The following CCNDBP1 variants were observed in gnomAD, a reference collection of about 807,000 sequenced individuals.
CCNDBP1 encodes cyclin D1 binding protein 1.
Under a neutral mutation model 46.2 loss-of-function variants are expected in CCNDBP1, and 45 were observed. The observed-to-expected ratio is 0.97, with a 90% CI of 0.77 to 1.25. The LOEUF is 1.25. CCNDBP1 is among the 50% of genes most tolerant of loss of function. The probability of loss-of-function intolerance (pLI) is 0.00; values close to 1 mark genes in which losing one functional copy is unlikely to be tolerated. For synonymous variants in CCNDBP1, 154 were observed against 163.6 expected (o/e 0.94, Z 0.45); for missense variants, 436 against 442.1 (o/e 0.99, Z 0.12).
intron 8 of CCNDBP1, 143 bp downstream of exon 8, chr15:43,191,818 A>C (rs2041957947): frequency 1.2e-6 from 1 of 836,100 alleles, no homozygotes; most frequent in Admixed American, 2.9e-5. Flanking sequence ...TTCAGTGAAC[A>C]CCCCTATATC....
chr15:43,194,492 T>A, intron 10 of CCNDBP1, 31 bp downstream of exon 10: 1 of 1,574,114 alleles, frequency 6.4e-7, no homozygotes, highest in East Asian at 2.2e-5. Context: ...GATAGCTTTT[T>A]GTGAGTAAAA....
intron 8 of CCNDBP1, 38 bp from the exon 9 acceptor site, chr15:43,192,704 GT>G: frequency 6.3e-7 from 1 of 1,597,286 alleles, no homozygotes; most frequent in South Asian, 1.1e-5. Flanking sequence ...ACCTGGCTGC[GT>G]TTTTTTGTTA....
chr15:43,185,828 GC>G lies in CCNDBP1; in HGVS notation c.121del (p.Gln41ArgfsTer21). 1 of 1,611,270 alleles carries G rather than the reference GC, an allele frequency of 6.2e-7. No individual in the cohort carries two copies. The highest frequency in any genetic ancestry group is 8.5e-7 in the Non-Finnish European group (1 of 1,179,968). The part of the protein sequence containing the change: ...LLLPRVRVGE[A>X]QETTEEFNRE... ...CACGCCACACCCACAAGTCGGCGAA[GC>G]CCAGGAGACCACCGAGGAGTTTAAT... On this transcript the variant is annotated frameshift_variant, in exon 2 of 11. Transcript: ENST00000300213. LOFTEE classifies it high-confidence loss of function.
intron 5 of CCNDBP1, 39 bp from the exon 6 acceptor site, chr15:43,190,286 C>A: frequency 6.2e-7 from 1 of 1,602,612 alleles, no homozygotes; most frequent in East Asian, 2.2e-5. Context: ...AGACAGGAAC[C>A]TAGGTTATTA....
Position 43,195,981 on chromosome 15 carries a change from T to C in CCNDBP1, c.*1140T>C, listed in dbSNP as rs2042033561. 6.6e-6 allele frequency: 1 copy of C among 152,180 alleles called. No homozygotes were observed. The highest frequency in any genetic ancestry group is 2.1e-4 in the South Asian group (1 of 4,832). 9.4% of individuals were successfully genotyped at this position (152,180 alleles called of 1,614,324 possible). On this transcript the variant is annotated 3_prime_UTR_variant, in exon 11 of 11. Coordinates refer to ENST00000300213, the MANE Select transcript of CCNDBP1 (RefSeq NM_012142.5). ...TGAAGGGAAGGAACTAAAATCAAAC[T>C]GACAGAGTGTCAAGGCAACAAAATA... is the stretch of plus-strand genomic sequence containing the variant.
chr15:43,192,158 G>C (rs1326319658), intron 8 of CCNDBP1, among the ~76,000 whole-genome samples: 1 of 152,152 alleles, frequency 6.6e-6, no homozygotes, highest in East Asian at 1.9e-4. Flanking sequence ...TTGAAATCTA[G>C]AACAGTTCCT....
chr15:43,193,550 C>A (rs1596395391), intron 9 of CCNDBP1, among the ~76,000 whole-genome samples: 1 of 152,076 alleles, frequency 6.6e-6, no homozygotes, highest in Non-Finnish European at 1.5e-5. Flanking sequence ...CAGAAACATA[C>A]TCTGTTCTAA....
intron 3 of CCNDBP1, 93 bp downstream of exon 3, chr15:43,186,326 ATTTCT>A (rs1256851483): frequency 2.5e-5 from 24 of 974,600 alleles, no homozygotes; most frequent in East Asian, 7.9e-5. Context: ...ACGCCAGGAG[ATTTCT>A]TTTCTTCATC....
At chr15:43,186,037 A>T (rs760969819) in intron 2 of CCNDBP1, 117 bp from the exon 3 acceptor site, 4 of 1,224,034 alleles carry the variant, frequency 3.3e-6, no homozygotes, top group Non-Finnish European at 3.6e-6. Flanking sequence ...GTGAAATAGA[A>T]TTCTAACCTC....
chr15:43,193,625 T>C lies in CCNDBP1; in HGVS notation c.922-790T>C, dbSNP rs192243359. 2.1e-3 allele frequency among the ~76,000 whole-genome samples: 327 copies of C among 152,348 alleles called. 3 individuals carry two copies. The highest frequency in any genetic ancestry group is 3.2e-3 in the Non-Finnish European group (216 of 68,038). On this transcript the variant is annotated intron_variant, in intron 9 of 10. Transcript: ENST00000300213. ...TTCTTATAAAAATCTGATTTTATTG[T>C]ATTCTTTGAGGTTCTGTGCCCTTTA...
intron 9 of CCNDBP1, chr15:43,194,012 T>C: frequency 2.8e-6 from 1 of 354,844 alleles, no homozygotes; most frequent in Non-Finnish European, 5.3e-6. Context: ...CTCCATCTTA[T>C]CCTTATATTG....
chr15:43,185,851 T>C lies in CCNDBP1; in HGVS notation c.141T>C (p.Phe47=). 6.2e-7 allele frequency: 1 copy of C among 1,611,766 alleles called. No individual in the cohort carries two copies. The highest frequency in any genetic ancestry group is 1.3e-5 in the African/African-American group (1 of 75,020). The change falls in exon 2 of 11, where the codon TTT becomes TTC. Residue 47 remains phenylalanine, a synonymous_variant. Coordinates refer to ENST00000300213, the MANE Select transcript of CCNDBP1 (RefSeq NM_012142.5). ...VGEAQETTEE[F]NREMFWRRLN... ...AAGCCCAGGAGACCACCGAGGAGTT[T>C]AATCGAGAGATGTTCTGGAGAAGAC...
chr15:43,192,722 A>G, intron 8 of CCNDBP1, 21 bp from the exon 9 acceptor site: 2 of 1,612,446 alleles, frequency 1.2e-6, no homozygotes, highest in Non-Finnish European at 1.7e-6. Context: ...GTTAATGATT[A>G]CTTTTGTTTT....
intron 9 of CCNDBP1, chr15:43,193,084 C>T (rs910797119): frequency 3.7e-5 from 15 of 402,864 alleles, no homozygotes; most frequent in Admixed American, 1.2e-4. Context: ...AGGCTGGGCG[C>T]GGTAGCTCAC....
intron 3 of CCNDBP1, among the ~76,000 whole-genome samples, chr15:43,186,776 GTTCCTTT>G (rs1218418137): frequency 1.3e-5 from 2 of 152,096 alleles, no homozygotes; most frequent in Non-Finnish European, 2.9e-5. Flanking sequence ...GTCTCCCCCA[GTTCCTTT>G]TGCATTATTC....
intron 3 of CCNDBP1, among the ~76,000 whole-genome samples, chr15:43,187,505 A>G (rs886543171): frequency 6.6e-6 from 1 of 152,140 alleles, no homozygotes; most frequent in South Asian, 2.1e-4. Flanking sequence ...CCTGACCTCA[A>G]GTGATCCGCC....
chr15:43,192,772 C>T lies in CCNDBP1; in HGVS notation c.890C>T (p.Pro297Leu), dbSNP rs2041975761. 1 of 1,614,048 alleles carries T rather than the reference C, an allele frequency of 6.2e-7. No individual in the cohort carries two copies. The highest frequency in any genetic ancestry group is 8.5e-7 in the Non-Finnish European group (1 of 1,179,980). ...SVDDLALSIY[P>L]PMCHLTVRIN... ...GATGATTTGGCTCTGAGCATATATCCACCTATGTGTCACCTGACCGTGCGA... is the reference window on the plus strand; with the variant it reads ...GATGATTTGGCTCTGAGCATATATCTACCTATGTGTCACCTGACCGTGCGA... The change falls in exon 9 of 11, where the codon CCA becomes CTA. Residue 297 changes from proline (P) to leucine (L), a missense_variant. Physicochemically the swap from Pro to Leu is moderately conservative, Grantham distance 98. Transcript: ENST00000300213.
In CCNDBP1 at chr15:43,191,110, A is replaced by C. The variant is rs2041942571; in HGVS notation, c.579+68A>C. On this transcript the variant is annotated intron_variant, in intron 7 of 10. Coordinates refer to ENST00000300213, the MANE Select transcript of CCNDBP1 (RefSeq NM_012142.5). Reference sequence around the variant, plus strand: ...AGATGAGAATTAATTATAAAGAGAGATTTCCTGAGCATTGACCAGATAGGT... The same window carrying C: ...AGATGAGAATTAATTATAAAGAGAGCTTTCCTGAGCATTGACCAGATAGGT... 3.1e-6 allele frequency: 4 copies of C among 1,298,726 alleles called. No homozygotes were observed. In the East Asian group the frequency reaches 9.3e-5, roughly 30 times the overall value. 80.5% of individuals were successfully genotyped at this position (1,298,726 alleles called of 1,614,324 possible). A position where few individuals can be genotyped will look rare whatever the true frequency, so the allele number is the denominator to read the frequency against.
At position 43,191,552 on chromosome 15, in the gene CCNDBP1, C is replaced by A. The variant is rs528672559; in HGVS notation, c.737C>A (p.Ala246Glu). 3.1e-6 allele frequency: 5 copies of A among 1,613,852 alleles called. No homozygotes were observed. The highest frequency in any genetic ancestry group is 4.2e-6 in the Non-Finnish European group (5 of 1,180,004). ...DDQELIIPCL[A>E]LVRASKACLK... ...CAAGAGCTCATAATCCCATGCCTTG[C>A]GCTGGTGAGAGCATCCAAAGCCTGC... The change falls in exon 8 of 11, where the codon GCG becomes GAG. Residue 246 changes from alanine (A) to glutamate (E), a missense_variant. Coordinates refer to ENST00000300213, the MANE Select transcript of CCNDBP1 (RefSeq NM_012142.5).
Sources: gnomAD v4.1 joint callset for allele counts (sites outside exome capture counted in the v4.1 genomes callset) on GRCh38, gnomAD v4.1.1 for gene constraint, MANE v1.5 for transcripts, NCBI Gene and HGNC (gene_info 2026-07-23, HGNC 2026-07-21) for gene names.